The following TMCC2 variants were observed in gnomAD, a reference collection of about 807,000 sequenced individuals.
TMCC2 encodes transmembrane and coiled-coil domain family 2, also known as transmembrane and coiled-coil domains protein 2.
In TMCC2, 16 loss-of-function variants were observed where a neutral mutation model predicts 49.4. That is an observed-to-expected ratio of 0.32 (90% CI 0.22 to 0.49). The LOEUF is 0.49. Ranked by LOEUF, TMCC2 falls within the 20% of genes least tolerant of loss-of-function variation. The pLI is 0.99. For missense variants in TMCC2, 762 were observed against 989.8 expected (o/e 0.77, Z 3.09); for synonymous variants, 397 against 434.1 (o/e 0.91, Z 1.06).
At chr1:205,267,664 C>T (rs1574868204) in intron 2 of TMCC2, among the ~76,000 whole-genome samples, 1 of 152,180 alleles carries the variant, frequency 6.6e-6, no homozygotes, top group East Asian at 1.9e-4. Context: ...CCTTACATTT[C>T]CCATCTTTCC....
At chr1:205,267,702 T>TCTCCCTCCC (rs1297784961) in intron 2 of TMCC2, among the ~76,000 whole-genome samples, 1 of 152,112 alleles carries the variant, frequency 6.6e-6, no homozygotes, top group Non-Finnish European at 1.5e-5. Flanking sequence ...TCCTCCTTTC[T>TCTCCCTCCC]CTCCCTCCCC....
chr1:205,246,350 T>A, intron 2 of TMCC2: 1 of 388,692 alleles, frequency 2.6e-6, no homozygotes, highest in Non-Finnish European at 3.9e-6. Context: ...TGGGGTACCT[T>A]CAGTTTGAAG....
chr1:205,258,627 C>T (rs1259246030), intron 2 of TMCC2, among the ~76,000 whole-genome samples: 1 of 152,130 alleles, frequency 6.6e-6, no homozygotes. Flanking sequence ...GCCACCAGCC[C>T]CACCGGGCTA....
At chr1:205,257,277 GGGGGCCTGACACAGTCCGCAGACAGCT>G in intron 2 of TMCC2, 1 of 1,232,236 alleles carries the variant, frequency 8.1e-7, no homozygotes, top group Non-Finnish European at 1.0e-6. Flanking sequence ...CTGTGACCCC[GGGGGCCTGACACAGTCCGCAGACAGCT>G]GGGGCCTCAG....
At chr1:205,228,828 C>G in intron 1 of TMCC2, 57 bp downstream of exon 1, 1 of 1,530,126 alleles carries the variant, frequency 6.5e-7, no homozygotes, top group Non-Finnish European at 8.8e-7. Context: ...CTCGCCACCC[C>G]ACGCAGAAGT....
Position 205,261,972 on chromosome 1 carries a change from C to T in TMCC2, c.748-6978C>T, listed in dbSNP as rs138284816. ...CTGTTCCAGCACTCTGAACAGCTTT[C>T]TCATCTTTTTCTTCTTGTTCACTAA... On this transcript the variant is annotated intron_variant, in intron 2 of 4. Coordinates refer to ENST00000358024, the MANE Select transcript of TMCC2 (RefSeq NM_014858.4). Among the ~76,000 whole-genome samples, 146 of 152,266 alleles carry T rather than the reference C, an allele frequency of 9.6e-4. 2 individuals carry two copies. The highest frequency in any genetic ancestry group is 3.3e-3 in the African/African-American group (138 of 41,556).
chr1:205,256,386 C>A, intron 2 of TMCC2: 1 of 1,551,064 alleles, frequency 6.4e-7, no homozygotes, highest in Non-Finnish European at 8.7e-7. Context: ...CTGGCACTGT[C>A]AAGATGAAGT....
At chr1:205,258,725 G>A (rs1660981758) in intron 2 of TMCC2, among the ~76,000 whole-genome samples, 1 of 152,202 alleles carries the variant, frequency 6.6e-6, no homozygotes, top group Admixed American at 6.5e-5. Context: ...GCTCTTGCTG[G>A]AATGTTGGGT....
intron 1 of TMCC2, among the ~76,000 whole-genome samples, chr1:205,234,839 A>C (rs1171086871): frequency 6.6e-6 from 1 of 151,932 alleles, no homozygotes; most frequent in Non-Finnish European, 1.5e-5. Context: ...TTCTATTTTG[A>C]GTAGAGATGG....
chr1:205,269,479 G>A lies in TMCC2; in HGVS notation c.1277G>A (p.Arg426Gln), dbSNP rs1292631612. 21 of 1,607,790 alleles carry A rather than the reference G, an allele frequency of 1.3e-5. No homozygotes were observed. Among genetic ancestry groups the A allele is most frequent in the East Asian group, 4.5e-5 (2 of 44,718 alleles). The change falls in exon 3 of 5, where the codon CGG becomes CAG. Residue 426 changes from arginine (R) to glutamine (Q), a missense_variant. Transcript: ENST00000358024. ...CACACCGCCGTGGTGTCCAAGCCCC[G>A]GGAGTTTGCCAGCCTCATCCGCAAC... ...ATHTAVVSKP[R>Q]EFASLIRNKF...
At chr1:205,260,681 TC>T (rs992538273) in intron 2 of TMCC2, among the ~76,000 whole-genome samples, 10 of 149,928 alleles carry the variant, frequency 6.7e-5, no homozygotes, top group African/African-American at 9.8e-5. Flanking sequence ...CCCCATTCCT[TC>T]CCCCACCCCC....
At chr1:205,261,316 T>A (rs1016874743) in intron 2 of TMCC2, among the ~76,000 whole-genome samples, 2 of 151,106 alleles carry the variant, frequency 1.3e-5, no homozygotes, top group African/African-American at 2.4e-5. Flanking sequence ...GCCATCCTCC[T>A]GCCTCAGCTT....
At chr1:205,266,017 G>A (rs552982498) in intron 2 of TMCC2, among the ~76,000 whole-genome samples, 6 of 149,794 alleles carry the variant, frequency 4.0e-5, no homozygotes, top group African/African-American at 1.2e-4. Flanking sequence ...TGAGGCGGGC[G>A]GATCATGAGG....
intron 1 of TMCC2, among the ~76,000 whole-genome samples, chr1:205,239,052 G>T (rs1169782036): frequency 6.6e-6 from 1 of 152,104 alleles, no homozygotes; most frequent in Non-Finnish European, 1.5e-5. Context: ...GCCTCCCGGG[G>T]ATAGGGGAGA....
intron 2 of TMCC2, chr1:205,267,874 G>A (rs1381423650): frequency 2.0e-6 from 2 of 984,784 alleles, no homozygotes; most frequent in East Asian, 1.1e-4. Context: ...GTAGCCTCAG[G>A]CCCCCAAACT....
intron 2 of TMCC2, among the ~76,000 whole-genome samples, chr1:205,249,638 C>G (rs1032074366): frequency 1.3e-5 from 2 of 152,382 alleles, no homozygotes; most frequent in South Asian, 4.1e-4. Context: ...CACCACCACG[C>G]AGGTACATGC....
At chr1:205,230,956 G>C (rs1232640671) in intron 1 of TMCC2, among the ~76,000 whole-genome samples, 1 of 148,244 alleles carries the variant, frequency 6.7e-6, no homozygotes, top group East Asian at 2.0e-4. Context: ...AGAAAAGGAG[G>C]CTTCCCCTTA....
intron 2 of TMCC2, among the ~76,000 whole-genome samples, chr1:205,247,450 A>G (rs961285045): frequency 1.3e-5 from 2 of 152,154 alleles, no homozygotes; most frequent in Non-Finnish European, 2.9e-5. Context: ...CTTCAGTTGC[A>G]TAGATTTCCT....
intron 2 of TMCC2, among the ~76,000 whole-genome samples, chr1:205,258,671 G>A (rs1412789091): frequency 6.6e-6 from 1 of 152,210 alleles, no homozygotes; most frequent in Non-Finnish European, 1.5e-5. Context: ...AATGGGGAAA[G>A]CCTCTGACTT....
Sources: allele counts gnomAD v4.1 joint callset (sites outside exome capture counted in the v4.1 genomes callset), GRCh38; gene constraint gnomAD v4.1.1; transcripts MANE v1.5; gene names NCBI Gene and HGNC (gene_info 2026-07-23, HGNC 2026-07-21).